CHD1: variants seen among roughly 807,000 people sequenced by gnomAD.
The protein encoded by CHD1 is ATP-dependent chromatin remodeler CHD1.
A neutral mutation model predicts 224.2 loss-of-function variants in CHD1; 36 were observed. The ratio of observed to expected loss-of-function variants is 0.16; its 90% CI spans 0.12 to 0.21. The LOEUF is 0.21. Among genes scored for constraint, CHD1 ranks in the 10% least tolerant of loss-of-function variants. The probability of loss-of-function intolerance (pLI) is 1.00; values close to 1 mark genes in which losing one functional copy is unlikely to be tolerated. For missense variants in CHD1, 1,378 were observed against 1,994.8 expected (o/e 0.69, Z 5.89); for synonymous variants, 668 against 658.3 (o/e 1.01, Z -0.23).
At chr5:98,913,614 T>A (rs779698724) in intron 2 of CHD1, among the ~76,000 whole-genome samples, 2 of 152,216 alleles carry the variant, frequency 1.3e-5, no homozygotes, top group Non-Finnish European at 2.9e-5. Flanking sequence ...TCTCTAGCCC[T>A]TTCTTCTCCT....
chr5:98,894,752 A>T lies in CHD1; in HGVS notation c.1711-66T>A, dbSNP rs576493550. On this transcript the variant is annotated intron_variant, in intron 12 of 35. Transcript: ENST00000614616. ...AAGCAAATTATACTTTTACTTACAT[A>T]TCTAAAAATTAAAATCCATTCAAAT... 73 of 667,830 alleles carry T rather than the reference A, an allele frequency of 1.1e-4. 1 individual carries two copies. The highest frequency in any genetic ancestry group is 7.5e-4 in the Admixed American group (26 of 34,634). 41.4% of individuals were successfully genotyped at this position (667,830 alleles called of 1,614,324 possible).
chr5:98,870,284 CT>C (rs1240456311), intron 29 of CHD1, among the ~76,000 whole-genome samples: 1 of 152,120 alleles, frequency 6.6e-6, no homozygotes, highest in Non-Finnish European at 1.5e-5. Context: ...CAATCACCTC[CT>C]TTTTGGTGTC....
At chr5:98,876,621 A>C in intron 23 of CHD1, 63 bp from the exon 24 acceptor site, 2 of 1,371,802 alleles carry the variant, frequency 1.5e-6, no homozygotes, top group African/African-American at 1.4e-5. Flanking sequence ...AAGAGCAAAA[A>C]CCATTATAAA....
In CHD1 at chr5:98,896,252, A is replaced by T. The variant is rs139323457; in HGVS notation, c.1684T>A (p.Leu562Ile). The T allele has an allele frequency of 8.4e-5, 136 of 1,613,774 alleles. No individual in the cohort carries two copies. Among genetic ancestry groups the T allele is most frequent in the Non-Finnish European group, 1.0e-4 (123 of 1,179,806 alleles). ...WASQMNAVVYLGDINSRNMIR... is the reference protein window; with the variant it reads ...WASQMNAVVYIGDINSRNMIR... ...ATGTTTCTGCTGTTAATGTCACCTA[A>T]ATAAACCACAGCATTCATTTGAGAA... Residue 562 changes from leucine to isoleucine, a missense_variant, in exon 12 of 36, where the codon TTA (leucine) becomes ATA (isoleucine). By Grantham distance (5) the Leu-to-Ile change is conservative. Around this residue, in one of 16 missense-constraint regions of CHD1, gnomAD observed 49 missense variants for 135.7 expected, o/e 0.36. Coordinates refer to ENST00000614616, the MANE Select transcript of CHD1 (RefSeq NM_001270.4).
intron 2 of CHD1, among the ~76,000 whole-genome samples, chr5:98,922,772 T>C (rs1753188923): frequency 6.6e-6 from 1 of 152,146 alleles, no homozygotes; most frequent in Non-Finnish European, 1.5e-5. Context: ...GCAGATCACC[T>C]GAGGTCAGGA....
intron 2 of CHD1, among the ~76,000 whole-genome samples, chr5:98,916,896 G>T (rs188048496): frequency 1.3e-5 from 2 of 151,696 alleles, no homozygotes; most frequent in East Asian, 3.9e-4. Context: ...AACTAATTCT[G>T]ATTCTTTTAT....
chr5:98,856,358 A>C lies in CHD1; in HGVS notation c.*22T>G. On this transcript the variant is annotated 3_prime_UTR_variant, in exon 36 of 36. Transcript: ENST00000614616. ...ATATATGGCTAAAAGAAAAGTCCAG[A>C]AAGACGAAGTATCAGTTTTTGTTAT... is the stretch of plus-strand genomic sequence containing the variant. 1 of 1,579,014 alleles carries C rather than the reference A, an allele frequency of 6.3e-7. No homozygotes were observed. The highest frequency in any genetic ancestry group is 8.7e-7 in the Non-Finnish European group (1 of 1,151,044).
chr5:98,882,139 T>C lies in CHD1; in HGVS notation c.2719-16A>G, dbSNP rs2112400093. 8 of 1,604,454 alleles carry C rather than the reference T, an allele frequency of 5.0e-6. No individual in the cohort carries two copies. Among genetic ancestry groups the C allele is most frequent in the Non-Finnish European group, 6.8e-6 (8 of 1,176,948 alleles). On this transcript the variant is annotated splice_polypyrimidine_tract_variant and intron_variant, in intron 19 of 35. Transcript: ENST00000614616. Reference sequence around the variant, plus strand: ...AAATATTCACCTGTAAAAATACACATGAGGAAACAAATTGCAGTATAAAGG... The same window carrying C: ...AAATATTCACCTGTAAAAATACACACGAGGAAACAAATTGCAGTATAAAGG...
At chr5:98,920,673 T>A (rs1753030783) in intron 2 of CHD1, among the ~76,000 whole-genome samples, 2 of 152,068 alleles carry the variant, frequency 1.3e-5, no homozygotes. Context: ...GGTGCACACC[T>A]GTAGTCCCAG....
intron 2 of CHD1, among the ~76,000 whole-genome samples, chr5:98,924,977 CAA>C (rs1038156256): frequency 5.5e-5 from 6 of 108,574 alleles, no homozygotes; most frequent in Admixed American, 9.6e-5. Context: ...GACTCTGTCT[CAA>C]AAAAAAAAAA....
At chr5:98,916,617 C>T in intron 2 of CHD1, among the ~76,000 whole-genome samples, 1 of 150,272 alleles carries the variant, frequency 6.7e-6, no homozygotes, top group African/African-American at 2.4e-5. Context: ...ATGAATACTG[C>T]CACAAAAAAA....
At chr5:98,887,645 T>A (rs1463305989) in intron 17 of CHD1, among the ~76,000 whole-genome samples, 1 of 152,148 alleles carries the variant, frequency 6.6e-6, no homozygotes, top group Non-Finnish European at 1.5e-5. Flanking sequence ...TGTAAAGTTG[T>A]CTAGTTTTAC....
chr5:98,875,582 G>A (rs1749689701), intron 24 of CHD1, among the ~76,000 whole-genome samples: 1 of 152,108 alleles, frequency 6.6e-6, no homozygotes, highest in Non-Finnish European at 1.5e-5. Context: ...GTTAATAAAT[G>A]AGGAAAAATA....
intron 29 of CHD1, 129 bp from the exon 30 acceptor site, chr5:98,870,011 C>A: frequency 1.6e-6 from 1 of 631,790 alleles, no homozygotes; most frequent in Non-Finnish European, 2.7e-6. Flanking sequence ...TAAGCTGTAC[C>A]AACATCAGAA....
Position 98,904,781 on chromosome 5 carries a change from T to C in CHD1, c.255+116A>G. The C allele has an allele frequency of 4.2e-6, 4 of 943,816 alleles. No homozygotes were observed. In the South Asian group the frequency reaches 6.2e-5, roughly 15 times the overall value. The allele number at this position is 943,816 out of a possible 1,614,324, so 58.5% of individuals were successfully genotyped here. On this transcript the variant is annotated intron_variant, in intron 3 of 35. Transcript: ENST00000614616. ...TGTGAGAATCACTAAAAGTAAATTT[T>C]AATTTAAAATGTTGTCTTCTCTAAA...
At chr5:98,902,417 G>A (rs1303393227) in intron 5 of CHD1, among the ~76,000 whole-genome samples, 3 of 151,988 alleles carry the variant, frequency 2.0e-5, no homozygotes, top group African/African-American at 7.2e-5. Flanking sequence ...AAATAAACAT[G>A]GATTGAGAAT....
intron 7 of CHD1, among the ~76,000 whole-genome samples, chr5:98,900,432 A>C (rs1022814471): frequency 1.3e-5 from 2 of 151,698 alleles, no homozygotes; most frequent in Non-Finnish European, 2.9e-5. Flanking sequence ...AAAATCTTAA[A>C]TACTTTACCT....
intron 14 of CHD1, 110 bp downstream of exon 14, chr5:98,893,306 T>C: frequency 1.6e-6 from 1 of 627,772 alleles, no homozygotes; most frequent in Non-Finnish European, 2.6e-6. Flanking sequence ...TAGTAATCTG[T>C]GATCTAATCT....
chr5:98,913,600 T>C (rs911730731), intron 2 of CHD1, among the ~76,000 whole-genome samples: 5 of 152,248 alleles, frequency 3.3e-5, no homozygotes, highest in African/African-American at 1.2e-4. Flanking sequence ...TATTTTCCCC[T>C]AGCTCTCTAG....
Sources: allele counts gnomAD v4.1 joint callset (sites outside exome capture counted in the v4.1 genomes callset), GRCh38; gene constraint gnomAD v4.1.1; regional missense constraint gnomAD v4.1.1; transcripts MANE v1.5; gene names NCBI Gene and HGNC (gene_info 2026-07-23, HGNC 2026-07-21).